GLRB: variants seen among roughly 807,000 people sequenced by gnomAD.
The protein encoded by GLRB is glycine receptor subunit beta.
In GLRB, 33 loss-of-function variants were observed where a neutral mutation model predicts 54.2. That is an observed-to-expected ratio of 0.61 (90% confidence interval 0.46 to 0.81). GLRB has a LOEUF of 0.81. GLRB is among the 40% of genes least tolerant of loss of function. The pLI is 0.00. For missense variants in GLRB, 572 were observed against 584.6 expected (o/e 0.98, Z 0.22); for synonymous variants, 209 against 208.2 (o/e 1.00, Z -0.03).
At chr4:157,118,016 A>G (rs1313623820) in intron 2 of GLRB, among the ~76,000 whole-genome samples, 1 of 151,700 alleles carries the variant, frequency 6.6e-6, no homozygotes, top group East Asian at 1.9e-4. Context: ...ACAATAAAGA[A>G]TGGAAGTTAC....
At chr4:157,126,072 A>C (rs1736006862) in intron 4 of GLRB, among the ~76,000 whole-genome samples, 1 of 151,892 alleles carries the variant, frequency 6.6e-6, no homozygotes, top group South Asian at 2.1e-4. Context: ...GGTGTCAGAA[A>C]GATGGAGGGC....
At chr4:157,167,443 G>C (rs1356453436) in intron 9 of GLRB, among the ~76,000 whole-genome samples, 1 of 152,210 alleles carries the variant, frequency 6.6e-6, no homozygotes, top group African/African-American at 2.4e-5. Context: ...AACAATAATA[G>C]GGCAGATGTG....
Position 157,171,339 on chromosome 4 carries a change from A to ACAGTGAG in GLRB, c.*614_*620dup, listed in dbSNP as rs1737915790. ...TGTCAAAAATATCAGATAGTAATACACAGTGAGCATTTTTAAACAAAGGGA... is the reference window on the plus strand; with the variant it reads ...TGTCAAAAATATCAGATAGTAATACACAGTGAGCAGTGAGCATTTTTAAACAAAGGGA... On this transcript the variant is annotated 3_prime_UTR_variant, in exon 10 of 10. Coordinates refer to ENST00000264428, the MANE Select transcript of GLRB (RefSeq NM_000824.5). 3 of 152,388 alleles carry ACAGTGAG rather than the reference A, an allele frequency of 2.0e-5. No individual in the cohort carries two copies. The highest frequency in any genetic ancestry group is 2.1e-4 in the South Asian group (1 of 4,832). The allele number at this position is 152,388 out of a possible 1,614,324, so 9.4% of individuals were successfully genotyped here.
chr4:157,078,069 G>A lies in GLRB; in HGVS notation c.45G>A (p.Leu15=), dbSNP rs775265167. ...CTGCCTTTTTAATTTTAATTTCCTT[G>A]TGGGTGGAAGAAGCCTATTCTAAGG... is the stretch of plus-strand genomic sequence containing the variant. ...LTTAFLILIS[L]WVEEAYSKEK... is the part of the protein sequence containing the mutation. The change falls in exon 2 of 10, where the codon TTG becomes TTA. Residue 15 remains leucine, a synonymous_variant. Coordinates refer to ENST00000264428, the MANE Select transcript of GLRB (RefSeq NM_000824.5). 7 of 1,611,062 alleles carry A rather than the reference G, an allele frequency of 4.3e-6. No homozygotes were observed. The Admixed American group carries it at 8.3e-5, about 19-fold the overall frequency.
intron 9 of GLRB, among the ~76,000 whole-genome samples, chr4:157,154,677 T>C (rs1006566166): frequency 3.9e-5 from 6 of 152,170 alleles, no homozygotes; most frequent in Admixed American, 6.5e-5. Context: ...TCCGCCCACA[T>C]TGGCCTCCCA....
At chr4:157,110,734 A>G (rs1735388707) in intron 2 of GLRB, among the ~76,000 whole-genome samples, 1 of 151,948 alleles carries the variant, frequency 6.6e-6, no homozygotes, top group South Asian at 2.1e-4. Context: ...AAACCTCTAC[A>G]TCTCCCAGTT....
chr4:157,160,581 C>T (rs1034048344), intron 9 of GLRB, among the ~76,000 whole-genome samples: 2 of 151,890 alleles, frequency 1.3e-5, no homozygotes, highest in East Asian at 1.9e-4. Flanking sequence ...GCCTTCATTT[C>T]GTTATGTATC....
At chr4:157,128,704 A>C (rs185321450) in intron 4 of GLRB, among the ~76,000 whole-genome samples, 1 of 151,960 alleles carries the variant, frequency 6.6e-6, no homozygotes, top group East Asian at 1.9e-4. Context: ...GTTTTATTGA[A>C]GAATCTTTAA....
chr4:157,126,134 A>G (rs1168873953), intron 4 of GLRB, among the ~76,000 whole-genome samples: 2 of 151,926 alleles, frequency 1.3e-5, no homozygotes, highest in Non-Finnish European at 2.9e-5. Flanking sequence ...AATGTTGATT[A>G]TCAAACAAGG....
chr4:157,128,263 G>T (rs1213989706), intron 4 of GLRB, among the ~76,000 whole-genome samples: 1 of 151,662 alleles, frequency 6.6e-6, no homozygotes, highest in Non-Finnish European at 1.5e-5. Context: ...GTACGTACAT[G>T]AAACTCAACA....
At chr4:157,114,537 C>A (rs999544291) in intron 2 of GLRB, among the ~76,000 whole-genome samples, 1 of 151,384 alleles carries the variant, frequency 6.6e-6, no homozygotes, top group Non-Finnish European at 1.5e-5. Flanking sequence ...AAGTCAAGGC[C>A]ATTCTTTATT....
intron 9 of GLRB, among the ~76,000 whole-genome samples, chr4:157,167,843 T>C (rs888639378): frequency 2.6e-5 from 4 of 152,134 alleles, no homozygotes; most frequent in Admixed American, 6.6e-5. Flanking sequence ...GTTACAGTTA[T>C]GGTGGAAGGT....
intron 9 of GLRB, among the ~76,000 whole-genome samples, chr4:157,168,335 C>T (rs2126634637): frequency 6.6e-6 from 1 of 152,278 alleles, no homozygotes; most frequent in African/African-American, 2.4e-5. Context: ...TCTTGACACA[C>T]ATTCTTAGAA....
At chr4:157,111,311 T>C (rs145331874) in intron 2 of GLRB, among the ~76,000 whole-genome samples, 4 of 152,116 alleles carry the variant, frequency 2.6e-5, no homozygotes, top group Non-Finnish European at 4.4e-5. Context: ...AAACTGTTAC[T>C]TTTTTCTCTG....
At position 157,135,889 on chromosome 4, in the gene GLRB, C is replaced by T. The variant is rs9997229; in HGVS notation, c.298-580C>T. On this transcript the variant is annotated intron_variant, in intron 4 of 9. Transcript: ENST00000264428. ...TGCTTGAAACTAATGTGTGTTCCCT[C>T]TAAAGTAGAGGGCCATGCATGTCTT... Among the ~76,000 whole-genome samples the T allele has an allele frequency of 9.5e-3, 1,447 of 152,174 alleles. 21 individuals are homozygous for T. Among genetic ancestry groups the T allele is most frequent in the African/African-American group, 0.03 (1,229 of 41,522 alleles).
At chr4:157,106,030 T>C (rs926316218) in intron 2 of GLRB, among the ~76,000 whole-genome samples, 1 of 152,128 alleles carries the variant, frequency 6.6e-6, no homozygotes, top group African/African-American at 2.4e-5. Context: ...TAGCATCCTT[T>C]CATTTTAAGT....
chr4:157,111,352 T>C (rs974673458), intron 2 of GLRB, among the ~76,000 whole-genome samples: 23 of 151,954 alleles, frequency 1.5e-4, no homozygotes, highest in South Asian at 6.2e-4. Flanking sequence ...TGCTAGTGTA[T>C]GATGTGCTTT....
At chr4:157,083,928 T>A (rs1352112717) in intron 2 of GLRB, among the ~76,000 whole-genome samples, 1 of 152,124 alleles carries the variant, frequency 6.6e-6, no homozygotes, top group Non-Finnish European at 1.5e-5. Flanking sequence ...CAAGAAATAA[T>A]GATCAGGATA....
intron 2 of GLRB, among the ~76,000 whole-genome samples, chr4:157,099,065 A>G (rs1440447666): frequency 6.6e-6 from 1 of 152,176 alleles, no homozygotes; most frequent in Non-Finnish European, 1.5e-5. Context: ...CAGTGAGGAC[A>G]AACAGCTCAG....
Sources: allele counts gnomAD v4.1 joint callset (sites outside exome capture counted in the v4.1 genomes callset), GRCh38; gene constraint gnomAD v4.1.1; transcripts MANE v1.5; gene names NCBI Gene and HGNC (gene_info 2026-07-23, HGNC 2026-07-21).